RAB31: variants seen among roughly 807,000 people sequenced by gnomAD.
RAB31 encodes RAB31, member RAS oncogene family, also known as ras-related protein Rab-31.
Under a neutral mutation model 25.6 loss-of-function variants are expected in RAB31, and 21 were observed. That is an observed-to-expected ratio of 0.82 (90% CI 0.58 to 1.18). The LOEUF (loss-of-function observed/expected upper bound fraction) is 1.18. Ranked by LOEUF, RAB31 falls within the 50% of genes most tolerant of loss-of-function variation. The pLI is 0.00. For synonymous variants in RAB31, 87 were observed against 84.0 expected (o/e 1.04, Z -0.20); for missense variants, 196 against 250.1 (o/e 0.78, Z 1.46).
intron 6 of RAB31, among the ~76,000 whole-genome samples, chr18:9,855,611 G>A (rs1047684355): frequency 3.3e-5 from 5 of 152,086 alleles, no homozygotes; most frequent in African/African-American, 9.7e-5. Context: ...CGGGGTTTGC[G>A]TTCGGCGTTT....
chr18:9,797,280 C>A (rs543230419), intron 3 of RAB31: 4 of 152,314 alleles, frequency 2.6e-5, no homozygotes, highest in African/African-American at 7.2e-5. Context: ...CTTTTTACCT[C>A]TGGCTATGAA....
At chr18:9,809,532 C>A (rs1221327378) in intron 3 of RAB31, among the ~76,000 whole-genome samples, 2 of 152,132 alleles carry the variant, frequency 1.3e-5, no homozygotes, top group Admixed American at 6.5e-5. Flanking sequence ...GGCCAGGAAA[C>A]CTTTTTTCCT....
rs2068837633 is a variant in RAB31 at position 9,859,655 on chromosome 18, T to C, written c.*330T>C. 1.1e-5 allele frequency: 2 copies of C among 184,560 alleles called. No individual in the cohort carries two copies. The highest frequency in any genetic ancestry group is 1.7e-4 in the South Asian group (1 of 5,852). The allele number at this position is 184,560 out of a possible 1,614,324, so 11.4% of individuals were successfully genotyped here. A position where few individuals can be genotyped will look rare whatever the true frequency, so the allele number is the denominator to read the frequency against. ...AAAAGTCTTACTGCCTTATTATGTG[T>C]ATGGGATTCTAAAGTGGCATTCCAC... On this transcript the variant is annotated 3_prime_UTR_variant, in exon 7 of 7. Coordinates refer to ENST00000578921, the MANE Select transcript of RAB31 (RefSeq NM_006868.4).
Position 9,861,977 on chromosome 18 carries a change from A to C in RAB31, c.*2652A>C, listed in dbSNP as rs552594862. On this transcript the variant is annotated 3_prime_UTR_variant, in exon 7 of 7. Transcript: ENST00000578921. ...TTGCCATTTTATGGTTAAAAACGGC[A>C]CATTAGGCAGTTGAATATGACGTTA... The C allele has an allele frequency of 4.6e-5, 7 of 152,786 alleles. No homozygotes were observed. Among genetic ancestry groups the C allele is most frequent in the African/African-American group, 1.7e-4 (7 of 41,580 alleles). The allele number at this position is 152,786 out of a possible 1,614,324, so 9.5% of individuals were successfully genotyped here. A position where few individuals can be genotyped will look rare whatever the true frequency, so the allele number is the denominator to read the frequency against.
At chr18:9,745,930 G>T (rs6506691) in intron 1 of RAB31, among the ~76,000 whole-genome samples, 108,562 of 152,160 alleles carry the variant, frequency 0.71, 38,994 homozygotes, top group Non-Finnish European at 0.75. Flanking sequence ...GAGCAATTAC[G>T]CATGTAAAAG....
At chr18:9,858,209 T>C (rs2068828932) in intron 6 of RAB31, among the ~76,000 whole-genome samples, 2 of 152,200 alleles carry the variant, frequency 1.3e-5, no homozygotes, top group Non-Finnish European at 2.9e-5. Flanking sequence ...CTGTTATTGA[T>C]GGGACCTTCA....
At chr18:9,776,769 C>G (rs985589312) in intron 2 of RAB31, among the ~76,000 whole-genome samples, 3 of 152,054 alleles carry the variant, frequency 2.0e-5, no homozygotes, top group African/African-American at 4.8e-5. Context: ...AGCGGAACCC[C>G]AAGCTGAGGG....
chr18:9,791,204 AGTAAATATGT>A (rs1481523560), intron 2 of RAB31, among the ~76,000 whole-genome samples: 3 of 152,188 alleles, frequency 2.0e-5, no homozygotes, highest in Non-Finnish European at 2.9e-5. Context: ...ATATTAGCAT[AGTAAATATGT>A]AAGACAACTT....
At chr18:9,727,174 G>C (rs918796696) in intron 1 of RAB31, among the ~76,000 whole-genome samples, 1 of 152,182 alleles carries the variant, frequency 6.6e-6, no homozygotes, top group Non-Finnish European at 1.5e-5. Context: ...GCTTCTTCCA[G>C]CTGTAGCCAT....
intron 3 of RAB31, among the ~76,000 whole-genome samples, chr18:9,792,942 C>G (rs2068468656): frequency 6.6e-6 from 1 of 152,198 alleles, no homozygotes; most frequent in South Asian, 2.1e-4. Context: ...TCTTTTACTC[C>G]TAATTCTCTG....
chr18:9,773,445 C>T (rs1308958426), intron 1 of RAB31, among the ~76,000 whole-genome samples: 1 of 152,152 alleles, frequency 6.6e-6, no homozygotes, highest in Non-Finnish European at 1.5e-5. Context: ...TTCAGAACGC[C>T]TCCACGATCC....
intron 1 of RAB31, among the ~76,000 whole-genome samples, chr18:9,772,709 C>T (rs1293512402): frequency 1.3e-5 from 2 of 152,158 alleles, no homozygotes; most frequent in African/African-American, 4.8e-5. Flanking sequence ...CACCCTGCCT[C>T]CTTGGCAGTT....
intron 1 of RAB31, among the ~76,000 whole-genome samples, chr18:9,709,200 G>T (rs1210049738): frequency 6.6e-6 from 1 of 152,172 alleles, no homozygotes. Context: ...CAGTCAATCC[G>T]TGCGGCCCGG....
chr18:9,753,298 T>C (rs190832531), intron 1 of RAB31, among the ~76,000 whole-genome samples: 2 of 152,258 alleles, frequency 1.3e-5, no homozygotes, highest in Admixed American at 1.3e-4. Flanking sequence ...ATGAATGGGT[T>C]AATCCATGAC....
At chr18:9,776,762 G>A (rs922863613) in intron 2 of RAB31, among the ~76,000 whole-genome samples, 1 of 152,042 alleles carries the variant, frequency 6.6e-6, no homozygotes, top group African/African-American at 2.4e-5. Flanking sequence ...TTACGGGAGC[G>A]GAACCCCAAG....
intron 1 of RAB31, among the ~76,000 whole-genome samples, chr18:9,759,105 TGAG>T (rs942788432): frequency 6.6e-6 from 1 of 152,012 alleles, no homozygotes; most frequent in Non-Finnish European, 1.5e-5. Context: ...CGTTCAGACA[TGAG>T]GAAGGTGGCC....
chr18:9,721,848 A>C (rs1374229333), intron 1 of RAB31, among the ~76,000 whole-genome samples: 1 of 152,006 alleles, frequency 6.6e-6, no homozygotes, highest in Non-Finnish European at 1.5e-5. Context: ...TGTGGAGAAA[A>C]GGAAAGTGAG....
At chr18:9,812,044 G>A (rs570227565) in intron 3 of RAB31, among the ~76,000 whole-genome samples, 1 of 152,348 alleles carries the variant, frequency 6.6e-6, no homozygotes, top group East Asian at 1.9e-4. Flanking sequence ...CTGGTATGCA[G>A]ATACTCGCCT....
intron 5 of RAB31, among the ~76,000 whole-genome samples, chr18:9,824,867 T>A (rs1487940267): frequency 1.3e-5 from 2 of 152,222 alleles, no homozygotes; most frequent in Non-Finnish European, 2.9e-5. Flanking sequence ...AAGTAATGTA[T>A]GGTCCCTCTG....
Sources: allele counts gnomAD v4.1 joint callset (sites outside exome capture counted in the v4.1 genomes callset), GRCh38; gene constraint gnomAD v4.1.1; transcripts MANE v1.5; gene names NCBI Gene and HGNC (gene_info 2026-07-23, HGNC 2026-07-21).